The following SLC14A2 variants were observed in gnomAD, a reference collection of about 807,000 sequenced individuals.
SLC14A2 encodes solute carrier family 14 member 2, also known as urea transporter 2.
In SLC14A2, 91 loss-of-function variants were observed where a neutral mutation model predicts 104.6. That is an observed-to-expected ratio of 0.87 (90% CI 0.73 to 1.04). The LOEUF is 1.04. SLC14A2 is among the 50% of genes least tolerant of loss of function. The pLI is 0.00. For missense variants in SLC14A2, 1,189 were observed against 1,156.0 expected, an observed-to-expected ratio of 1.03 and a Z score of -0.41; for synonymous variants, 476 against 466.4, an observed-to-expected ratio of 1.02 and a Z score of -0.27.
chr18:45,630,350 C>G (rs1223703550), intron 4 of SLC14A2, among the ~76,000 whole-genome samples: 1 of 152,152 alleles, frequency 6.6e-6, no homozygotes, highest in East Asian at 1.9e-4. Context: ...CTAAGCATGA[C>G]CTCCATCACC....
intron 2 of SLC14A2, chr18:45,529,011 G>T (rs2144826791): frequency 6.6e-6 from 1 of 152,356 alleles, no homozygotes; most frequent in African/African-American, 2.4e-5. Flanking sequence ...ATGCCACATG[G>T]AGAAAGAGAG....
At chr18:45,244,127 C>T (rs1408280836) in intron 1 of SLC14A2, among the ~76,000 whole-genome samples, 4 of 152,186 alleles carry the variant, frequency 2.6e-5, no homozygotes, top group Non-Finnish European at 5.9e-5. Flanking sequence ...GAAGGCAAGT[C>T]TCCGAGCCCC....
chr18:45,587,007 A>G (rs2044575765), intron 2 of SLC14A2, among the ~76,000 whole-genome samples: 2 of 151,776 alleles, frequency 1.3e-5, no homozygotes. Context: ...ATTTTTTTTG[A>G]GACAGAGTCT....
At chr18:45,363,068 C>A (rs942965434) in intron 1 of SLC14A2, among the ~76,000 whole-genome samples, 1 of 152,196 alleles carries the variant, frequency 6.6e-6, no homozygotes, top group Non-Finnish European at 1.5e-5. Context: ...CAACGACCCC[C>A]CCAACCCTCG....
chr18:45,589,613 A>AT (rs2044618578), intron 2 of SLC14A2, among the ~76,000 whole-genome samples: 1 of 152,048 alleles, frequency 6.6e-6, no homozygotes, highest in South Asian at 2.1e-4. Context: ...AATTCAATGG[A>AT]TTTTGGCAAG....
Position 45,666,917 on chromosome 18 carries a change from T to A in SLC14A2, c.1558-18T>A. Reference sequence around the variant, plus strand: ...CCACCGAATGTGGGAGACTCTTGCCTATCTCTGTCCTGGACAGGATCTGGA... The same window carrying A: ...CCACCGAATGTGGGAGACTCTTGCCAATCTCTGTCCTGGACAGGATCTGGA... On this transcript the variant is annotated intron_variant, in intron 12 of 19. Coordinates refer to ENST00000255226, the MANE Select transcript of SLC14A2 (RefSeq NM_007163.4). 1.2e-6 allele frequency: 2 copies of A among 1,610,846 alleles called. No individual in the cohort carries two copies. The highest frequency in any genetic ancestry group is 1.7e-6 in the Non-Finnish European group (2 of 1,177,578).
chr18:45,552,024 C>G (rs1211211020), intron 2 of SLC14A2, among the ~76,000 whole-genome samples: 1 of 152,028 alleles, frequency 6.6e-6, no homozygotes, highest in East Asian at 1.9e-4. Flanking sequence ...CTTAACAAAC[C>G]CTTCTATTTT....
chr18:45,352,991 A>G (rs2085517637), intron 1 of SLC14A2, among the ~76,000 whole-genome samples: 1 of 152,238 alleles, frequency 6.6e-6, no homozygotes, highest in African/African-American at 2.4e-5. Flanking sequence ...TGAGGTACAG[A>G]AACAGCTGGA....
the SLC14A2 span, among the ~76,000 whole-genome samples, chr18:45,196,874 C>A: frequency 1.3e-5 from 2 of 152,286 alleles, no homozygotes; most frequent in East Asian, 3.9e-4. Flanking sequence ...ACTCACAGAC[C>A]AAGACAACAT....
At chr18:45,226,905 T>C (rs1180619052) in intron 1 of SLC14A2, among the ~76,000 whole-genome samples, 2 of 151,824 alleles carry the variant, frequency 1.3e-5, no homozygotes, top group Non-Finnish European at 2.9e-5. Flanking sequence ...CTAATTAGAG[T>C]CCGGAGGTGG....
chr18:45,519,571 T>C (rs2043488424), intron 2 of SLC14A2, among the ~76,000 whole-genome samples: 1 of 152,162 alleles, frequency 6.6e-6, no homozygotes, highest in African/African-American at 2.4e-5. Context: ...AATTTACTGT[T>C]AGCTGCTAGC....
chr18:45,195,345 G>C, the SLC14A2 span, among the ~76,000 whole-genome samples: 825 of 152,318 alleles, frequency 5.4e-3, 13 homozygotes, highest in African/African-American at 0.019. Context: ...TTACCAGTTA[G>C]AAGATTGCTA....
chr18:45,360,091 C>G lies in SLC14A2; in HGVS notation c.-124-123142C>G, dbSNP rs142368264. On this transcript the variant is annotated intron_variant, in intron 1 of 20. Coordinates refer to the SLC14A2 transcript ENST00000586448. Reference sequence around the variant, plus strand: ...AGCTCCGGACTTCTGCCCAACCTACCCTCACCTCCTCCCTTCCCAGTAAAA... The same window carrying G: ...AGCTCCGGACTTCTGCCCAACCTACGCTCACCTCCTCCCTTCCCAGTAAAA... Among the ~76,000 whole-genome samples, 831 of 152,266 alleles carry G rather than the reference C, an allele frequency of 5.5e-3. 3 individuals carry two copies. The highest frequency in any genetic ancestry group is 9.0e-3 in the Non-Finnish European group (612 of 68,024).
At chr18:45,531,445 G>A (rs1333077365) in intron 2 of SLC14A2, among the ~76,000 whole-genome samples, 16 of 152,176 alleles carry the variant, frequency 1.1e-4, no homozygotes, top group Non-Finnish European at 2.4e-4. Context: ...TTTCTCTGAT[G>A]GCCAGTGATG....
At chr18:45,476,533 C>A (rs548619256) in intron 1 of SLC14A2, among the ~76,000 whole-genome samples, 45 of 152,260 alleles carry the variant, frequency 3.0e-4, no homozygotes, top group African/African-American at 1.0e-3. Flanking sequence ...GCCTGCCTTG[C>A]GAGGCTGGGG....
intron 4 of SLC14A2, among the ~76,000 whole-genome samples, chr18:45,630,970 G>A (rs2045335881): frequency 6.6e-6 from 1 of 152,026 alleles, no homozygotes; most frequent in Non-Finnish European, 1.5e-5. Flanking sequence ...TCTTATCTAG[G>A]TCACTAGACC....
At chr18:45,443,494 T>TG (rs1466189097) in intron 1 of SLC14A2, among the ~76,000 whole-genome samples, 1 of 152,058 alleles carries the variant, frequency 6.6e-6, no homozygotes, top group East Asian at 1.9e-4. Flanking sequence ...GTCTCTGGAA[T>TG]GGGGGTCTTA....
chr18:45,634,758 G>A (rs1020878642), intron 5 of SLC14A2: 2 of 454,248 alleles, frequency 4.4e-6, no homozygotes, highest in East Asian at 1.4e-4. Context: ...AAAGCAGTTA[G>A]AGAGTTTTAG....
At chr18:45,520,456 G>A (rs760846606) in intron 2 of SLC14A2, among the ~76,000 whole-genome samples, 3 of 152,140 alleles carry the variant, frequency 2.0e-5, no homozygotes, top group Non-Finnish European at 2.9e-5. Context: ...CCCAGTGCCC[G>A]CAACTGGGCT....
Sources: allele counts gnomAD v4.1 joint callset (sites outside exome capture counted in the v4.1 genomes callset), GRCh38; gene constraint gnomAD v4.1.1; transcripts MANE v1.5; gene names NCBI Gene and HGNC (gene_info 2026-07-23, HGNC 2026-07-21).